Variants in PIK3C2G observed in about 807,000 individuals in gnomAD.
The protein encoded by PIK3C2G is phosphatidylinositol 3-kinase C2 domain-containing subunit gamma.
In PIK3C2G, 168 loss-of-function variants were observed where a neutral mutation model predicts 181.1. The ratio of observed to expected loss-of-function variants is 0.93; its 90% confidence interval spans 0.82 to 1.05. The LOEUF (loss-of-function observed/expected upper bound fraction) is 1.05, where lower values mean the gene tolerates loss of function less well. Ranked by LOEUF, PIK3C2G falls within the 50% of genes least tolerant of loss-of-function variation. PIK3C2G has a pLI of 0.00. For missense variants in PIK3C2G, 1,869 were observed against 1,732.8 expected (o/e 1.08, Z -1.40); for synonymous variants, 573 against 592.2 (o/e 0.97, Z 0.47).
chr12:18,285,991 A>G (rs1437591471), intron 2 of PIK3C2G, among the ~76,000 whole-genome samples: 2 of 151,990 alleles, frequency 1.3e-5, no homozygotes, highest in Non-Finnish European at 2.9e-5. Flanking sequence ...AAAATAAACA[A>G]AAAGACAACA....
the PIK3C2G span, chr12:18,705,283 T>C: frequency 6.2e-7 from 1 of 1,614,078 alleles, no homozygotes; most frequent in Non-Finnish European, 8.5e-7. Flanking sequence ...AGCAGTGATT[T>C]TCTAAAGAGA....
intron 29 of PIK3C2G, among the ~76,000 whole-genome samples, chr12:18,592,320 A>C (rs914229726): frequency 3.3e-5 from 5 of 151,946 alleles, no homozygotes; most frequent in African/African-American, 4.8e-5. Flanking sequence ...TCCACAAAAA[A>C]GTCTCAGAAG....
chr12:18,253,857 T>TC (rs1246698566), intron 1 of PIK3C2G, among the ~76,000 whole-genome samples: 6 of 151,990 alleles, frequency 3.9e-5, no homozygotes, highest in Non-Finnish European at 2.9e-5. Flanking sequence ...AATTATTTTT[T>TC]TTTTTTTCAT....
chr12:18,278,967 A>AT (rs1484929414), intron 1 of PIK3C2G, among the ~76,000 whole-genome samples: 1 of 151,990 alleles, frequency 6.6e-6, no homozygotes, highest in Non-Finnish European at 1.5e-5. Flanking sequence ...TGATAATGAA[A>AT]TTTTTTCAGA....
At chr12:18,461,877 C>A (rs1947938102) in intron 18 of PIK3C2G, among the ~76,000 whole-genome samples, 1 of 152,142 alleles carries the variant, frequency 6.6e-6, no homozygotes, top group Admixed American at 6.6e-5. Flanking sequence ...ACTGAGTGAA[C>A]TAAGGCACTT....
chr12:18,671,759 G>A, the PIK3C2G span, among the ~76,000 whole-genome samples: 7 of 152,276 alleles, frequency 4.6e-5, no homozygotes, highest in African/African-American at 9.6e-5. Flanking sequence ...GACTGTCTGA[G>A]TTCATCCAAG....
intron 14 of PIK3C2G, 121 bp from the exon 15 acceptor site, chr12:18,391,001 G>A (rs975649397): frequency 1.6e-6 from 1 of 607,380 alleles, no homozygotes; most frequent in African/African-American, 1.9e-5. Flanking sequence ...ATTATAAATA[G>A]CACAGAAAAA....
intron 29 of PIK3C2G, among the ~76,000 whole-genome samples, chr12:18,575,517 A>G (rs543920115): frequency 9.2e-5 from 14 of 152,270 alleles, no homozygotes; most frequent in South Asian, 2.1e-4. Flanking sequence ...GCAAATTTTG[A>G]TACAAGAACA....
At chr12:18,386,064 C>T (rs989842243) in intron 14 of PIK3C2G, among the ~76,000 whole-genome samples, 6 of 152,018 alleles carry the variant, frequency 3.9e-5, no homozygotes, top group African/African-American at 1.2e-4. Flanking sequence ...TGAACTTTCT[C>T]CCTCCTCCTT....
At chr12:18,557,163 A>C (rs1304708978) in intron 26 of PIK3C2G, among the ~76,000 whole-genome samples, 1 of 152,128 alleles carries the variant, frequency 6.6e-6, no homozygotes, top group Non-Finnish European at 1.5e-5. Context: ...TACTTTCAAA[A>C]GTTAAAAATG....
the PIK3C2G span, among the ~76,000 whole-genome samples, chr12:18,661,929 C>T: frequency 1.3e-5 from 2 of 152,006 alleles, no homozygotes; most frequent in African/African-American, 4.8e-5. Flanking sequence ...TGAAATACTA[C>T]ACATCCATAA....
chr12:18,569,296 C>T (rs10841040), intron 29 of PIK3C2G, among the ~76,000 whole-genome samples: 4 of 151,762 alleles, frequency 2.6e-5, no homozygotes, highest in Non-Finnish European at 5.9e-5. Flanking sequence ...AGCAACTGTT[C>T]CAGTCCCCAG....
intron 1 of PIK3C2G, among the ~76,000 whole-genome samples, chr12:18,276,431 T>G (rs191536865): frequency 6.6e-6 from 1 of 152,306 alleles, no homozygotes; most frequent in Admixed American, 6.5e-5. Context: ...GTAACAACGC[T>G]TAGGAATCAA....
the PIK3C2G span, among the ~76,000 whole-genome samples, chr12:18,700,980 A>G: frequency 1.8e-5 from 1 of 54,762 alleles, no homozygotes; most frequent in African/African-American, 4.2e-5. Flanking sequence ...TATCAATTAT[A>G]GAGATTTTTT....
At chr12:18,586,543 G>T (rs932438172) in intron 29 of PIK3C2G, among the ~76,000 whole-genome samples, 2 of 151,952 alleles carry the variant, frequency 1.3e-5, no homozygotes, top group African/African-American at 4.8e-5. Flanking sequence ...CCCTAAACAG[G>T]CCAATAATGA....
chr12:18,249,747 CAG>C (rs1948077069), intron 1 of PIK3C2G, among the ~76,000 whole-genome samples: 1 of 149,442 alleles, frequency 6.7e-6, no homozygotes, highest in Non-Finnish European at 1.5e-5. Flanking sequence ...ATAAATTAAA[CAG>C]AAATTAGAAA....
At chr12:18,513,710 G>A (rs1942355977) in intron 24 of PIK3C2G, among the ~76,000 whole-genome samples, 1 of 151,544 alleles carries the variant, frequency 6.6e-6, no homozygotes, top group Non-Finnish European at 1.5e-5. Flanking sequence ...CTAGTAAGCA[G>A]TTTGTATCAC....
intron 1 of PIK3C2G, among the ~76,000 whole-genome samples, chr12:18,269,996 A>G (rs1240169626): frequency 1.4e-5 from 2 of 140,764 alleles, no homozygotes; most frequent in Non-Finnish European, 3.0e-5. Flanking sequence ...TGCAACCTCC[A>G]CCTCCTGGGT....
chr12:18,441,631 G>A (rs928823733), intron 18 of PIK3C2G, among the ~76,000 whole-genome samples: 5 of 152,100 alleles, frequency 3.3e-5, no homozygotes, highest in Non-Finnish European at 7.4e-5. Context: ...GGTGGTAGTT[G>A]CCTGTAGAGT....
Sources: allele counts gnomAD v4.1 joint callset (sites outside exome capture counted in the v4.1 genomes callset), GRCh38; gene constraint gnomAD v4.1.1; transcripts MANE v1.5; gene names NCBI Gene and HGNC (gene_info 2026-07-23, HGNC 2026-07-21).